PLCB2: variants seen among roughly 807,000 people sequenced by gnomAD.
PLCB2 encodes the protein phospholipase C beta 2.
A neutral mutation model predicts 141.7 loss-of-function variants in PLCB2; 115 were observed. The observed-to-expected ratio is 0.81, with a 90% CI of 0.70 to 0.95. The LOEUF is 0.95. Among genes scored for constraint, PLCB2 ranks in the 40% least tolerant of loss-of-function variants. The pLI is 0.00. For missense variants in PLCB2, 1,403 were observed against 1,541.1 expected (o/e 0.91, Z 1.50); for synonymous variants, 603 against 595.6 (o/e 1.01, Z -0.18).
intron 7 of PLCB2, among the ~76,000 whole-genome samples, chr15:40,299,851 C>A (rs945908461): frequency 1.3e-5 from 2 of 152,112 alleles, no homozygotes; most frequent in African/African-American, 2.4e-5. Flanking sequence ...AAAAAGACAA[C>A]CCAGTTGAAA....
Position 40,295,295 on chromosome 15 carries a change from G to T in PLCB2, c.1697-10C>A. ...TAACTTCGGTTCTTTTCTATATAGG[G>T]GAGAAAGGGAGGGGAGGAGTTTTAT... On this transcript the variant is annotated splice_polypyrimidine_tract_variant and intron_variant, in intron 16 of 31. Coordinates refer to ENST00000260402, the MANE Select transcript of PLCB2 (RefSeq NM_004573.3). 1 of 1,592,396 alleles carries T rather than the reference G, an allele frequency of 6.3e-7. No homozygotes were observed. Among genetic ancestry groups the T allele is most frequent in the Non-Finnish European group, 8.6e-7 (1 of 1,160,244 alleles).
At chr15:40,298,061 C>T in intron 11 of PLCB2, 102 bp from the exon 12 acceptor site, 2 of 1,162,862 alleles carry the variant, frequency 1.7e-6, no homozygotes, top group Non-Finnish European at 2.5e-6. Flanking sequence ...ACACATATAA[C>T]TGCATGGCCG....
rs984729061 is a variant in PLCB2, at chr15:40,289,331, C to T, written c.3295G>A (p.Glu1099Lys). The T allele has an allele frequency of 1.2e-6, 2 of 1,614,114 alleles. No homozygotes were observed. Among genetic ancestry groups the T allele is most frequent in the Admixed American group, 1.7e-5 (1 of 60,028 alleles). Reference protein sequence around the residue: ...QMTENLERHQEKLEEKQAACL... With the variant: ...QMTENLERHQKKLEEKQAACL... Reference sequence around the variant, plus strand: ...GCCGCCTGCTTCTCCTCCAGCTTCTCCTGGTGCCTCTCCAAGTTCTCCGTC... The same window carrying T: ...GCCGCCTGCTTCTCCTCCAGCTTCTTCTGGTGCCTCTCCAAGTTCTCCGTC... The change falls in exon 31 of 32, where the codon GAG becomes AAG. Residue 1099 changes from glutamate to lysine, a missense_variant. By Grantham distance (56) the Glu-to-Lys change is moderately conservative. Around this residue, in one of 4 missense-constraint regions of PLCB2, gnomAD observed 132 missense variants for 132.4 expected, o/e 1.00. Transcript: ENST00000260402.
chr15:40,303,090 T>A (rs903087240), intron 3 of PLCB2, among the ~76,000 whole-genome samples, 198 bp downstream of exon 3: 11 of 152,140 alleles, frequency 7.2e-5, no homozygotes, highest in Non-Finnish European at 1.5e-4. Flanking sequence ...TGTGCGCAGT[T>A]CTGAAGCTCA....
In PLCB2 at chr15:40,296,654, C is replaced by T. The variant is rs544030139; in HGVS notation, c.1487-20G>A. ...CCCACACTGCCACATACAGCTCTGT[C>T]GGCACTGGCTCCTGCATGGCTCCTC... On this transcript the variant is annotated intron_variant, in intron 14 of 31. Transcript: ENST00000260402. The T allele has an allele frequency of 3.1e-5, 50 of 1,612,500 alleles. 1 individual carries two copies. The highest frequency in any genetic ancestry group is 7.7e-5 in the South Asian group (7 of 90,958).
Position 40,297,903 on chromosome 15 carries a change from G to A in PLCB2, c.1212C>T (p.Ile404=), listed in dbSNP as rs781107445. The A allele has an allele frequency of 5.5e-5, 88 of 1,613,650 alleles. No homozygotes were observed. The highest frequency in any genetic ancestry group is 7.1e-5 in the Non-Finnish European group (84 of 1,179,682). Residue 404 remains isoleucine (I), a synonymous_variant, in exon 12 of 32, where the codon ATC becomes ATT. Coordinates refer to ENST00000260402, the MANE Select transcript of PLCB2 (RefSeq NM_004573.3). This position sits in a 1 kb window ranked among gnomAD's most constrained non-coding sequence, Gnocchi z 4.2. ...AGTCCACATGGTTCTCAAACGACAG[G>A]ATGATGGGATAGGGGGAGGTCTTAA... ...SAFKTSPYPI[I]LSFENHVDSP...
Position 40,292,844 on chromosome 15 carries a change from A to G in PLCB2, c.2326+82T>C, listed in dbSNP as rs28395836. On this transcript the variant is annotated intron_variant, in intron 21 of 31. Coordinates refer to ENST00000260402, the MANE Select transcript of PLCB2 (RefSeq NM_004573.3). ...GAGGGCTTAGGTAAGGCCTCACTCC[A>G]GGCCCCCTCCCAGAAGCTGCCCCAC... 598 of 840,816 alleles carry G rather than the reference A, an allele frequency of 7.1e-4. 1 individual carries two copies. In the African/African-American group the frequency reaches 9.3e-3, roughly 13 times the overall value. 52.1% of individuals were successfully genotyped at this position (840,816 alleles called of 1,614,324 possible).
chr15:40,300,429 A>G (rs574889517), intron 7 of PLCB2, among the ~76,000 whole-genome samples: 1 of 152,374 alleles, frequency 6.6e-6, no homozygotes, highest in South Asian at 2.1e-4. Context: ...ACCCCTGGGT[A>G]TATACCCAAG....
Position 40,293,722 on chromosome 15 carries a change from C to T in PLCB2, c.2064G>A (p.Val688=), listed in dbSNP as rs750518019. 4 of 1,607,286 alleles carry T rather than the reference C, an allele frequency of 2.5e-6. No individual in the cohort carries two copies. The Admixed American group carries it at 6.7e-5, about 27-fold the overall frequency. ...GTTCTGACAGGAACTGCCCAGAGAT[C>T]ACCTGGGGGTAGGGGCCCAGGAAAA... ...VVVATTLSIT[V]ISGQFLSERS... is the part of the protein sequence containing the mutation. Residue 688 remains valine, a splice_region_variant and synonymous_variant, in exon 20 of 32, where the codon GTG becomes GTA. Coordinates refer to ENST00000260402, the MANE Select transcript of PLCB2 (RefSeq NM_004573.3).
At position 40,298,781 on chromosome 15, in the gene PLCB2, G is replaced by A. The variant is rs1869903; in HGVS notation, c.850+17C>T. On this transcript the variant is annotated intron_variant, in intron 9 of 31. Transcript: ENST00000260402. ...AGGACAGGACCACAGGGGACAAGGG[G>A]TTCCCTTAGTCCTCACCCCTCTGTG... 5.0e-3 allele frequency: 8,062 copies of A among 1,610,858 alleles called. 130 individuals are homozygous for A. The East Asian group carries it at 0.066, about 13-fold the overall frequency.
In PLCB2 at chr15:40,307,717, G is replaced by C. The variant is rs774346690; in HGVS notation, c.-45C>G. 4 of 1,511,212 alleles carry C rather than the reference G, an allele frequency of 2.6e-6. No individual in the cohort carries two copies. The Admixed American group carries it at 8.1e-5, about 31-fold the overall frequency. The allele number at this position is 1,511,212 out of a possible 1,614,324, so 93.6% of individuals were successfully genotyped here. A position where few individuals can be genotyped will look rare whatever the true frequency, so the allele number is the denominator to read the frequency against. ...TGCAGAATCTCAGCAGACACAGGCA[G>C]GCAGAAGGGCAGGAAGGAGGCCAGC... On this transcript the variant is annotated 5_prime_UTR_variant, in exon 1 of 32. Transcript: ENST00000260402.
At chr15:40,303,772 T>TC in intron 2 of PLCB2, 1 of 528,356 alleles carries the variant, frequency 1.9e-6, no homozygotes, top group Non-Finnish European at 3.4e-6. Flanking sequence ...TCTCTCTCTC[T>TC]CCCCAAGGGA....
Position 40,291,142 on chromosome 15 carries a change from T to C in PLCB2, c.2912A>G (p.Glu971Gly). The change falls in exon 27 of 32, where the codon GAG becomes GGG. Residue 971 changes from glutamate to glycine, a missense_variant. By Grantham distance (98) the Glu-to-Gly change is moderately conservative (BLOSUM62 -2). Around this residue, in one of 4 missense-constraint regions of PLCB2, gnomAD observed 290 missense variants for 245.9 expected, o/e 1.18. Coordinates refer to ENST00000260402, the MANE Select transcript of PLCB2 (RefSeq NM_004573.3). Reference protein sequence around the residue: ...REESAGAAPGEGPEGVDGRVR... With the variant: ...REESAGAAPGGGPEGVDGRVR... ...GCGCCCGTCCACGCCCTCAGGGCCC[T>C]CGCCCGGCGCGGCTCCGGCGCTCTC... 1 of 1,572,158 alleles carries C rather than the reference T, an allele frequency of 6.4e-7. No individual in the cohort carries two copies. The highest frequency in any genetic ancestry group is 2.3e-5 in the East Asian group (1 of 43,126).
In PLCB2 at chr15:40,303,306, C is replaced by T. The variant is rs757053858; in HGVS notation, c.213G>A (p.Lys71=). 2 of 1,613,804 alleles carry T rather than the reference C, an allele frequency of 1.2e-6. No individual in the cohort carries two copies. The highest frequency in any genetic ancestry group is 2.2e-5 in the South Asian group (2 of 91,078). The change falls in exon 3 of 32, where the codon AAG becomes AAA. Residue 71 remains lysine (K), a synonymous_variant. Transcript: ENST00000260402. ...ITSIRDTRFG[K]FAKMPKSQKL... is the part of the protein sequence containing the mutation. Reference sequence around the variant, plus strand: ...CACCTACCTTGGGCATCTTGGCAAACTTCCCAAAGCGAGTATCCCGGATGC... The same window carrying T: ...CACCTACCTTGGGCATCTTGGCAAATTTCCCAAAGCGAGTATCCCGGATGC...
intron 16 of PLCB2, among the ~76,000 whole-genome samples, 175 bp downstream of exon 16, chr15:40,296,121 C>G (rs951805169): frequency 2.0e-5 from 3 of 152,166 alleles, no homozygotes; most frequent in Non-Finnish European, 2.9e-5. Context: ...CGACACACTC[C>G]AGAGCATTCT....
rs572125147 is a variant in PLCB2 at position 40,290,253 on chromosome 15, G to A, written c.3210-171C>T. On this transcript the variant is annotated intron_variant, in intron 29 of 31. Coordinates refer to ENST00000260402, the MANE Select transcript of PLCB2 (RefSeq NM_004573.3). ...TGTAGGGGCCACTGGGAGTCCTGGG[G>A]CCCTCTGAGGGAACCATTTCCCCAT... Among the ~76,000 whole-genome samples the A allele has an allele frequency of 4.6e-5, 7 of 152,204 alleles. No homozygotes were observed. In the East Asian group the frequency reaches 1.4e-3, roughly 29 times the overall value.
At position 40,291,273 on chromosome 15, in the gene PLCB2, G is replaced by A. The variant is rs2039900141; in HGVS notation, c.2862C>T (p.Arg954=). 1 of 1,569,336 alleles carries A rather than the reference G, an allele frequency of 6.4e-7. No individual in the cohort carries two copies. The highest frequency in any genetic ancestry group is 1.4e-5 in the African/African-American group (1 of 73,800). ...ACCGCCACGAGCCTTACCTCTTCTT[G>A]CGAGAGCCCTTGCCGGGACCGAGCT... is the stretch of plus-strand genomic sequence containing the variant. ...ACKLGPGKGS[R]KKRSLPREES... The change falls in exon 26 of 32, where the codon CGC becomes CGT. Residue 954 remains arginine, a synonymous_variant. Transcript: ENST00000260402.
At position 40,296,777 on chromosome 15, in the gene PLCB2, G is replaced by A. The variant is rs2305652; in HGVS notation, c.1455C>T (p.Ser485=). The A allele has an allele frequency of 6.4e-5, 104 of 1,613,898 alleles. No homozygotes were observed. The East Asian group carries it at 2.3e-3, about 35-fold the overall frequency. Residue 485 remains serine, a synonymous_variant, in exon 14 of 32, where the codon AGC becomes AGT. Transcript: ENST00000260402. ...KDTGGEAEGS[S]PPSAPAGEGT... ...CCTCACCTGCAGGGGCACTGGGTGGGCTGCTGCCCTCAGCCTCCCCACCAG... is the reference window on the plus strand; with the variant it reads ...CCTCACCTGCAGGGGCACTGGGTGGACTGCTGCCCTCAGCCTCCCCACCAG...
chr15:40,288,757 G>A lies in PLCB2; in HGVS notation c.3516C>T (p.Asp1172=). The change falls in exon 32 of 32, where the codon GAC becomes GAT. Residue 1172 remains aspartate (D), a synonymous_variant. Coordinates refer to ENST00000260402, the MANE Select transcript of PLCB2 (RefSeq NM_004573.3). ...CECPPELCEQ[D]PLIAKADAQE... ...GGGCATCTGCCTTTGCTATGAGTGG[G>A]TCCTGCTCACACAGCTCTGGGGGGC... is the stretch of plus-strand genomic sequence containing the variant. 1.2e-6 allele frequency: 2 copies of A among 1,611,788 alleles called. No individual in the cohort carries two copies. Among genetic ancestry groups the A allele is most frequent in the Non-Finnish European group, 1.7e-6 (2 of 1,178,108 alleles).
Sources: gnomAD v4.1 joint callset for allele counts (sites outside exome capture counted in the v4.1 genomes callset) on GRCh38, gnomAD v4.1.1 for gene constraint, gnomAD v4.1.1 regional missense constraint, Gnocchi (gnomAD v3.1) non-coding constraint, MANE v1.5 for transcripts, NCBI Gene and HGNC (gene_info 2026-07-23, HGNC 2026-07-21) for gene names.